The following WIPF1 variants were observed in gnomAD, a reference collection of about 807,000 sequenced individuals.
WIPF1 encodes the protein WAS/WASL-interacting protein family member 1.
WIPF1 carries 13 observed loss-of-function variants against 35.4 expected under a neutral mutation model. That is an observed-to-expected ratio of 0.37 (90% CI 0.24 to 0.58). The LOEUF is 0.58. Among genes scored for constraint, WIPF1 ranks in the 20% least tolerant of loss-of-function variants. The probability of loss-of-function intolerance (pLI) is 0.74; values close to 1 mark genes in which losing one functional copy is unlikely to be tolerated. For synonymous variants in WIPF1, 267 were observed against 266.3 expected (o/e 1.00, Z -0.02); for missense variants, 591 against 667.0 (o/e 0.89, Z 1.25).
At chr2:174,675,182 G>A (rs1688102567) in intron 1 of WIPF1, among the ~76,000 whole-genome samples, 1 of 152,062 alleles carries the variant, frequency 6.6e-6, no homozygotes, top group Admixed American at 6.6e-5. Context: ...AGTTATATAA[G>A]CAAGGAGAAA....
Position 174,622,627 on chromosome 2 carries a change from C to T in WIPF1, c.-38-37016G>A, listed in dbSNP as rs1686710330. Among the ~76,000 whole-genome samples, 1 of 152,208 alleles carries T rather than the reference C, an allele frequency of 6.6e-6. No individual in the cohort carries two copies. Among genetic ancestry groups the T allele is most frequent in the East Asian group, 1.9e-4 (1 of 5,202 alleles). ...CACCGAATCCCCACTCTCCTATGAGCAGGCTGATGGTCACTGCTACCCACT... is the reference window on the plus strand; with the variant it reads ...CACCGAATCCCCACTCTCCTATGAGTAGGCTGATGGTCACTGCTACCCACT... On this transcript the variant is annotated intron_variant, in intron 1 of 8. Coordinates refer to the WIPF1 transcript ENST00000272746. This position sits in a 1 kb window ranked among gnomAD's most constrained non-coding sequence, Gnocchi z 5.1.
At chr2:174,652,282 C>T (rs1687548507) in intron 1 of WIPF1, among the ~76,000 whole-genome samples, 1 of 152,080 alleles carries the variant, frequency 6.6e-6, no homozygotes, top group Admixed American at 6.6e-5. Context: ...AAATCTTCAG[C>T]CTCTTGTCTG....
intron 2 of WIPF1, among the ~76,000 whole-genome samples, chr2:174,581,929 A>C (rs1685255988): frequency 6.6e-6 from 1 of 152,240 alleles, no homozygotes; most frequent in Non-Finnish European, 1.5e-5. Context: ...AGTTCTAGAA[A>C]ATAATTCCCT....
intron 1 of WIPF1, among the ~76,000 whole-genome samples, chr2:174,668,231 A>C (rs1687933258): frequency 6.6e-6 from 1 of 152,200 alleles, no homozygotes; most frequent in Non-Finnish European, 1.5e-5. Context: ...ACTGGAACCC[A>C]GCAGGCCTGC....
At chr2:174,598,977 C>T (rs1330937378), upstream of WIPF1, among the ~76,000 whole-genome samples, 1 of 152,140 alleles carries the variant, frequency 6.6e-6, no homozygotes, top group Non-Finnish European at 1.5e-5. Context: ...GTATATAACT[C>T]TGAGAAAACA....
At chr2:174,658,105 G>A (rs958923538) in intron 1 of WIPF1, among the ~76,000 whole-genome samples, 2 of 152,084 alleles carry the variant, frequency 1.3e-5, no homozygotes, top group African/African-American at 4.8e-5. Flanking sequence ...TTAGGCTGTG[G>A]GGAGAGGACA....
chr2:174,648,933 A>C (rs1687476384), intron 1 of WIPF1, among the ~76,000 whole-genome samples: 1 of 152,250 alleles, frequency 6.6e-6, no homozygotes, highest in Non-Finnish European at 1.5e-5. Flanking sequence ...ATTCCCAACC[A>C]ATGTAGAGAT....
At chr2:174,636,486 A>G (rs1240751921) in intron 1 of WIPF1, among the ~76,000 whole-genome samples, 8 of 152,238 alleles carry the variant, frequency 5.3e-5, no homozygotes, top group Non-Finnish European at 8.8e-5. Flanking sequence ...TCTTAAATTT[A>G]GTATGATACA....
intron 1 of WIPF1, among the ~76,000 whole-genome samples, chr2:174,628,548 T>C (rs1686919190): frequency 6.6e-6 from 1 of 152,236 alleles, no homozygotes; most frequent in Non-Finnish European, 1.5e-5. Flanking sequence ...ATGGCTGTGC[T>C]GTCTTCCAGG....
chr2:174,652,932 C>T (rs1687564947), intron 1 of WIPF1, among the ~76,000 whole-genome samples: 1 of 152,050 alleles, frequency 6.6e-6, no homozygotes, highest in African/African-American at 2.4e-5. Flanking sequence ...GTCTGTTTTC[C>T]ACTCCTCTAT....
At chr2:174,665,215 T>C (rs940472956) in intron 1 of WIPF1, 1 of 152,220 alleles carries the variant, frequency 6.6e-6, no homozygotes, top group African/African-American at 2.4e-5. Flanking sequence ...ACCTGCATCA[T>C]TCTGGTTTTT....
chr2:174,636,917 C>A (rs9973607), intron 1 of WIPF1, among the ~76,000 whole-genome samples: 1,536 of 152,308 alleles, frequency 0.01, 37 homozygotes, highest in African/African-American at 0.035. Flanking sequence ...TGAGGCAGTG[C>A]ATGTCAGTTT....
intron 7 of WIPF1, among the ~76,000 whole-genome samples, chr2:174,564,341 C>T (rs751053881): frequency 5.3e-5 from 8 of 152,104 alleles, no homozygotes; most frequent in South Asian, 2.1e-4. Context: ...TACTTTTAGG[C>T]GAGGCATGGT....
chr2:174,657,121 C>T (rs985145202), intron 1 of WIPF1, among the ~76,000 whole-genome samples: 2 of 152,242 alleles, frequency 1.3e-5, no homozygotes, highest in Non-Finnish European at 2.9e-5. Flanking sequence ...TACATTTATA[C>T]TGGCTTGATG....
chr2:174,645,791 C>T (rs1372071780), intron 1 of WIPF1, among the ~76,000 whole-genome samples: 1 of 152,214 alleles, frequency 6.6e-6, no homozygotes, highest in Non-Finnish European at 1.5e-5. Context: ...GGCCTGATGC[C>T]AACAACCAAA....
At chr2:174,593,190 T>G (rs1047400732) in intron 1 of WIPF1, among the ~76,000 whole-genome samples, 7 of 152,164 alleles carry the variant, frequency 4.6e-5, no homozygotes, top group African/African-American at 1.7e-4. Flanking sequence ...TTTTGATACA[T>G]GTCCTTCCAG....
At chr2:174,645,370 CTTG>C in intron 1 of WIPF1, among the ~76,000 whole-genome samples, 1 of 152,318 alleles carries the variant, frequency 6.6e-6, no homozygotes, top group South Asian at 2.1e-4. Flanking sequence ...TAACTGCCTT[CTTG>C]TTGTTCTGTC....
intron 1 of WIPF1, among the ~76,000 whole-genome samples, chr2:174,628,154 A>AAAATG (rs1429082198): frequency 3.3e-5 from 5 of 152,184 alleles, no homozygotes; most frequent in Non-Finnish European, 7.3e-5. Flanking sequence ...AATCTACAAA[A>AAAATG]AAATGCCATT....
At chr2:174,637,890 C>T (rs1208614018) in intron 1 of WIPF1, among the ~76,000 whole-genome samples, 2 of 152,210 alleles carry the variant, frequency 1.3e-5, no homozygotes, top group Admixed American at 6.5e-5. Context: ...GTTTTTTCCC[C>T]TACATATTTT....
Sources: allele counts gnomAD v4.1 joint callset (sites outside exome capture counted in the v4.1 genomes callset), GRCh38; gene constraint gnomAD v4.1.1; non-coding constraint Gnocchi (gnomAD v3.1); transcripts MANE v1.5; gene names NCBI Gene and HGNC (gene_info 2026-07-23, HGNC 2026-07-21).